The following NEBL variants were observed in gnomAD, a reference collection of about 807,000 sequenced individuals.
NEBL encodes the protein nebulette.
Under a neutral mutation model 140.2 loss-of-function variants are expected in NEBL, and 122 were observed. That is an observed-to-expected ratio of 0.87 (90% CI 0.75 to 1.01). The LOEUF is 1.01. NEBL is among the 50% of genes least tolerant of loss of function. The pLI is 0.00. For synonymous variants in NEBL, 436 were observed against 398.9 expected, an observed-to-expected ratio of 1.09 and a Z score of -1.11; for missense variants, 1,365 against 1,231.3, an observed-to-expected ratio of 1.11 and a Z score of -1.62.
intron 2 of NEBL, chr10:21,029,211 C>T: frequency 6.9e-7 from 1 of 1,450,334 alleles, no homozygotes; most frequent in Non-Finnish European, 9.7e-7. Context: ...TTGACCATTC[C>T]ATCCTTCCCA....
intron 4 of NEBL, among the ~76,000 whole-genome samples, chr10:20,882,287 A>C (rs1175878300): frequency 6.6e-6 from 1 of 151,904 alleles, no homozygotes; most frequent in Non-Finnish European, 1.5e-5. Context: ...GAAAGAAGCA[A>C]AGAAAGGAGA....
At chr10:20,951,786 A>G (rs1436285193) in intron 4 of NEBL, among the ~76,000 whole-genome samples, 2 of 152,200 alleles carry the variant, frequency 1.3e-5, no homozygotes, top group Non-Finnish European at 1.5e-5. Flanking sequence ...AACATTCAGG[A>G]TATTCTACTC....
At chr10:20,896,587 T>A (rs540058212) in intron 2 of NEBL, among the ~76,000 whole-genome samples, 2 of 146,158 alleles carry the variant, frequency 1.4e-5, no homozygotes, top group East Asian at 4.0e-4. Context: ...GTTAAAAAAA[T>A]GACTATTCAT....
At chr10:21,058,970 A>G (rs1449464141) in intron 2 of NEBL, among the ~76,000 whole-genome samples, 1 of 152,206 alleles carries the variant, frequency 6.6e-6, no homozygotes, top group African/African-American at 2.4e-5. Flanking sequence ...CTGCCTATAT[A>G]TTGGGTGTTT....
chr10:20,870,738 A>C (rs1228602325), intron 5 of NEBL, among the ~76,000 whole-genome samples: 3 of 152,222 alleles, frequency 2.0e-5, no homozygotes, highest in Admixed American at 2.0e-4. Flanking sequence ...TGAGCCTCCC[A>C]AAATAAAAAC....
At chr10:20,984,813 C>CT (rs1837190293) in intron 3 of NEBL, among the ~76,000 whole-genome samples, 3 of 152,276 alleles carry the variant, frequency 2.0e-5, no homozygotes, top group Admixed American at 2.0e-4. Context: ...AGTGAGCTGG[C>CT]AAAGCTTCAT....
chr10:20,980,730 A>G (rs1837005323), intron 3 of NEBL, among the ~76,000 whole-genome samples: 1 of 152,210 alleles, frequency 6.6e-6, no homozygotes, highest in African/African-American at 2.4e-5. Context: ...TAGCAGGTTG[A>G]TCACTATCCT....
At chr10:20,946,794 T>C (rs1308784145) in intron 4 of NEBL, among the ~76,000 whole-genome samples, 1 of 152,184 alleles carries the variant, frequency 6.6e-6, no homozygotes, top group Non-Finnish European at 1.5e-5. Context: ...AGAGTCTTAA[T>C]ATCAGGAGGC....
intron 11 of NEBL, among the ~76,000 whole-genome samples, chr10:20,849,232 A>G (rs1218813455): frequency 6.6e-6 from 1 of 152,150 alleles, no homozygotes; most frequent in Non-Finnish European, 1.5e-5. Flanking sequence ...ACACACACAA[A>G]TAAGTCTCGC....
intron 2 of NEBL, among the ~76,000 whole-genome samples, chr10:21,067,647 G>T (rs554549922): frequency 6.6e-6 from 1 of 152,164 alleles, no homozygotes; most frequent in African/African-American, 2.4e-5. Context: ...GAGAAGGGGG[G>T]ACCTCTCAGC....
At chr10:20,988,081 C>T (rs58576465) in intron 3 of NEBL, among the ~76,000 whole-genome samples, 25,957 of 152,104 alleles carry the variant, frequency 0.17, 3,633 homozygotes, top group East Asian at 0.39. Context: ...CAAATACTCT[C>T]CCCTTCTGCT....
At chr10:20,850,261 G>T in intron 11 of NEBL, 134 bp downstream of exon 11, 2 of 715,008 alleles carry the variant, frequency 2.8e-6, no homozygotes, top group Non-Finnish European at 5.0e-6. Context: ...TGGGTGGCTG[G>T]GTCTAGAAAG....
At chr10:21,167,865 G>A (rs964887665) in intron 2 of NEBL, among the ~76,000 whole-genome samples, 2 of 151,994 alleles carry the variant, frequency 1.3e-5, no homozygotes, top group Non-Finnish European at 2.9e-5. Context: ...CAAGTTCCAT[G>A]GTGAAAAAAA....
At chr10:20,843,334 G>A (rs1841568754) in intron 12 of NEBL, among the ~76,000 whole-genome samples, 1 of 151,948 alleles carries the variant, frequency 6.6e-6, no homozygotes, top group African/African-American at 2.4e-5. Context: ...TTAGTCTGTG[G>A]TATTTTGTTA....
At chr10:20,856,053 A>G (rs1429332073) in intron 9 of NEBL, among the ~76,000 whole-genome samples, 3 of 152,214 alleles carry the variant, frequency 2.0e-5, no homozygotes, top group African/African-American at 7.2e-5. Flanking sequence ...AGCTTTATAC[A>G]ATGTACACAA....
intron 2 of NEBL, among the ~76,000 whole-genome samples, chr10:21,140,032 G>A (rs534582416): frequency 2.0e-5 from 3 of 151,762 alleles, no homozygotes; most frequent in African/African-American, 7.3e-5. Context: ...GTGGTTTCAG[G>A]TGCCTGTAAT....
intron 2 of NEBL, among the ~76,000 whole-genome samples, chr10:21,149,264 C>T (rs1025994440): frequency 1.3e-5 from 2 of 152,028 alleles, no homozygotes; most frequent in African/African-American, 2.4e-5. Context: ...TTACGCACCT[C>T]GTCGTCGGTA....
At chr10:20,948,852 T>A (rs781502699) in intron 4 of NEBL, among the ~76,000 whole-genome samples, 1 of 152,152 alleles carries the variant, frequency 6.6e-6, no homozygotes, top group Non-Finnish European at 1.5e-5. Flanking sequence ...GATGTCCCAG[T>A]GGTTTGTCGT....
intron 2 of NEBL, among the ~76,000 whole-genome samples, chr10:21,020,783 C>G (rs899824943): frequency 2.0e-4 from 31 of 152,144 alleles, no homozygotes; most frequent in African/African-American, 7.5e-4. Flanking sequence ...TCTAGTGGTT[C>G]CTTCCCTGTC....
Sources: gnomAD v4.1 joint callset for allele counts (sites outside exome capture counted in the v4.1 genomes callset) on GRCh38, gnomAD v4.1.1 for gene constraint, MANE v1.5 for transcripts, NCBI Gene and HGNC (gene_info 2026-07-23, HGNC 2026-07-21) for gene names.